The following CHEK2 variants were observed in gnomAD, a reference collection of about 807,000 sequenced individuals.
The protein encoded by CHEK2 is serine/threonine-protein kinase Chk2.
Under a neutral mutation model 69.1 loss-of-function variants are expected in CHEK2, and 71 were observed. That is an observed-to-expected ratio of 1.03 (90% CI 0.85 to 1.25). CHEK2 has a LOEUF of 1.25. Ranked by LOEUF, CHEK2 falls within the 50% of genes most tolerant of loss-of-function variation. The probability of loss-of-function intolerance (pLI) is 0.00; values close to 1 mark genes in which losing one functional copy is unlikely to be tolerated. For synonymous variants in CHEK2, 189 were observed against 226.9 expected (o/e 0.83, Z 1.50); for missense variants, 664 against 649.6 (o/e 1.02, Z -0.24).
intron 8 of CHEK2, among the ~76,000 whole-genome samples, chr22:28,700,770 C>G (rs529446266): frequency 2.6e-5 from 4 of 152,176 alleles, no homozygotes; most frequent in African/African-American, 7.2e-5. Flanking sequence ...GGCACAGGTG[C>G]TTGGCAAGGT....
chr22:28,702,719 G>C (rs750198362), intron 8 of CHEK2, among the ~76,000 whole-genome samples: 1 of 151,298 alleles, frequency 6.6e-6, no homozygotes, highest in Admixed American at 6.6e-5. Flanking sequence ...GCTAATTTTT[G>C]TATTTTTAGT....
rs779607427 is a variant in CHEK2, at chr22:28,734,714, C to T, written c.8G>A (p.Arg3Gln). 7 of 1,612,972 alleles carry T rather than the reference C, an allele frequency of 4.3e-6. No homozygotes were observed. Among genetic ancestry groups the T allele is most frequent in the East Asian group, 4.5e-5 (2 of 44,864 alleles). ...CTGCTGAGCCTCAACATCCGACTCC[C>T]GAGACATCACGACCTCAAAAAGAAA... MS[R>Q]ESDVEAQQSH... The change falls in exon 2 of 15, where the codon CGG (arginine) becomes CAG (glutamine). Residue 3 changes from arginine to glutamine, a missense_variant. Coordinates refer to ENST00000404276, the MANE Select transcript of CHEK2 (RefSeq NM_007194.4).
intron 10 of CHEK2, 38 bp downstream of exon 10, chr22:28,696,863 C>A: frequency 7.5e-7 from 1 of 1,335,324 alleles, no homozygotes; most frequent in South Asian, 1.2e-5. Context: ...GAACAAGAAT[C>A]TACAGGAATA....
At chr22:28,694,468 G>T (rs1195206770) in intron 12 of CHEK2, among the ~76,000 whole-genome samples, 6 of 152,192 alleles carry the variant, frequency 3.9e-5, no homozygotes, top group Admixed American at 1.3e-4. Context: ...GACATCTACA[G>T]ATGGATAGGT....
intron 4 of CHEK2, chr22:28,721,774 A>T (rs556194972): frequency 7.7e-5 from 26 of 338,228 alleles, no homozygotes; most frequent in Non-Finnish European, 1.5e-4. Flanking sequence ...TCTCTTGCCC[A>T]GGGAAGAGTA....
intron 2 of CHEK2, among the ~76,000 whole-genome samples, chr22:28,727,484 C>G (rs1192249944): frequency 6.6e-6 from 1 of 152,134 alleles, no homozygotes; most frequent in African/African-American, 2.4e-5. Flanking sequence ...TAGAACATAA[C>G]CTCCAGGAGG....
At chr22:28,729,848 T>C (rs4525795) in intron 2 of CHEK2, among the ~76,000 whole-genome samples, 152,144 of 152,144 alleles carry the variant, frequency 1, 76,072 homozygotes, top group Non-Finnish European at 1. Context: ...CTCGTGGCCT[T>C]AAGCACTTCT....
At position 28,703,568 on chromosome 22, in the gene CHEK2, TA is replaced by T; in HGVS notation, c.847-3del. The stretch of plus-strand genomic sequence containing the variant: ...GTTTTTAATCTTGATGATGCAAGGC[TA>T]AGAAGAGGGGGAGAAAAAAGGGAAA... On this transcript the variant is annotated splice_polypyrimidine_tract_variant and splice_region_variant and intron_variant, in intron 7 of 14. Transcript: ENST00000404276. 1 of 1,554,630 alleles carries T rather than the reference TA, an allele frequency of 6.4e-7. No individual in the cohort carries two copies. Among genetic ancestry groups the T allele is most frequent in the Non-Finnish European group, 8.8e-7 (1 of 1,132,184 alleles).
chr22:28,702,440 G>A (rs377633686), intron 8 of CHEK2, among the ~76,000 whole-genome samples: 120 of 150,756 alleles, frequency 8.0e-4, no homozygotes, highest in Middle Eastern at 3.4e-3. Flanking sequence ...GGGTTTCACC[G>A]TGTTAGCCAG....
At chr22:28,730,284 GAA>G (rs2054168850) in intron 2 of CHEK2, 1 of 398,906 alleles carries the variant, frequency 2.5e-6, no homozygotes, top group Non-Finnish European at 4.5e-6. Context: ...AAGCGGAAGG[GAA>G]AGGAAAGGAA....
At position 28,695,093 on chromosome 22, in the gene CHEK2, A is replaced by G. The variant is rs1435128003; in HGVS notation, c.1375+34T>C. ...CACCACAGCACATACACATTTTAGC[A>G]TACCACAAATTCTTAACCCTTTCAT... On this transcript the variant is annotated intron_variant, in intron 12 of 14. Transcript: ENST00000404276. 4 of 1,318,128 alleles carry G rather than the reference A, an allele frequency of 3.0e-6. No individual in the cohort carries two copies. In the Admixed American group the frequency reaches 6.7e-5, roughly 22 times the overall value. 81.7% of individuals were successfully genotyped at this position (1,318,128 alleles called of 1,614,324 possible).
chr22:28,723,610 A>AG (rs1491176608), intron 4 of CHEK2, among the ~76,000 whole-genome samples: 1 of 132,428 alleles, frequency 7.6e-6, no homozygotes, highest in African/African-American at 2.8e-5. Flanking sequence ...GGAAAAAAAA[A>AG]GAAAAAAAAA....
chr22:28,734,358 T>C, intron 2 of CHEK2, 45 bp downstream of exon 2: 1 of 1,506,620 alleles, frequency 6.6e-7, no homozygotes, highest in Non-Finnish European at 9.2e-7. Flanking sequence ...TTTCTGTAAG[T>C]GTTTTTCTGA....
chr22:28,711,264 T>A (rs1302722995), intron 6 of CHEK2, among the ~76,000 whole-genome samples: 1 of 152,210 alleles, frequency 6.6e-6, no homozygotes, highest in East Asian at 1.9e-4. Flanking sequence ...TTAATTAAAA[T>A]TTTAAAAATC....
chr22:28,691,460 A>C (rs3963405), intron 13 of CHEK2, among the ~76,000 whole-genome samples: 2 of 146,652 alleles, frequency 1.4e-5, no homozygotes, highest in Non-Finnish European at 3.1e-5. Flanking sequence ...CCTGGTAGAC[A>C]AAAGCAAGAC....
At chr22:28,740,093 C>T (rs1412644075) in intron 1 of CHEK2, among the ~76,000 whole-genome samples, 2 of 151,674 alleles carry the variant, frequency 1.3e-5, no homozygotes, top group Non-Finnish European at 2.9e-5. Context: ...CCCAGCTACT[C>T]GGGAGGCTGA....
chr22:28,719,756 C>G (rs2053707801), intron 4 of CHEK2, among the ~76,000 whole-genome samples: 1 of 152,066 alleles, frequency 6.6e-6, no homozygotes, highest in East Asian at 1.9e-4. Flanking sequence ...ATCCGTAACA[C>G]AACATTATTT....
At chr22:28,711,773 T>C (rs1294436625) in intron 6 of CHEK2, 136 bp downstream of exon 6, 16 of 679,720 alleles carry the variant, frequency 2.4e-5, no homozygotes, top group South Asian at 1.8e-4. Flanking sequence ...AAATTTTCCA[T>C]GTTCTTTGAT....
At chr22:28,691,745 CA>C (rs1488629513) in intron 13 of CHEK2, among the ~76,000 whole-genome samples, 2 of 152,186 alleles carry the variant, frequency 1.3e-5, no homozygotes, top group Admixed American at 6.5e-5. Flanking sequence ...TGAAAGTAAA[CA>C]GAAGAAATCC....
Sources: allele counts gnomAD v4.1 joint callset (sites outside exome capture counted in the v4.1 genomes callset), GRCh38; gene constraint gnomAD v4.1.1; transcripts MANE v1.5; gene names NCBI Gene and HGNC (gene_info 2026-07-23, HGNC 2026-07-21).